Variants in SUZ12 observed in about 807,000 individuals in gnomAD.
SUZ12 encodes the protein polycomb protein SUZ12.
SUZ12 carries 17 observed loss-of-function variants against 87.3 expected under a neutral mutation model. That is an observed-to-expected ratio of 0.19 (90% confidence interval 0.13 to 0.29). The LOEUF (loss-of-function observed/expected upper bound fraction) is 0.29. Ranked by LOEUF, SUZ12 falls within the 10% of genes least tolerant of loss-of-function variation. The pLI, the probability that SUZ12 is intolerant of heterozygous loss-of-function variation, is 1.00. For synonymous variants in SUZ12, 253 were observed against 312.4 expected, an observed-to-expected ratio of 0.81 and a Z score of 2.01; for missense variants, 526 against 912.2, an observed-to-expected ratio of 0.58 and a Z score of 5.45.
chr17:31,964,589 T>C (rs1907975958), intron 4 of SUZ12, among the ~76,000 whole-genome samples: 1 of 151,910 alleles, frequency 6.6e-6, no homozygotes, highest in Admixed American at 6.6e-5. Context: ...GTATTTTTAG[T>C]AGAGACTGGG....
intron 4 of SUZ12, among the ~76,000 whole-genome samples, chr17:31,949,799 T>C (rs1264919933): frequency 6.8e-6 from 1 of 146,148 alleles, no homozygotes; most frequent in East Asian, 2.1e-4. Flanking sequence ...TTCACCTGTC[T>C]CAGCCTCCTG....
At chr17:31,996,528 A>G (rs1360038857) in intron 14 of SUZ12, among the ~76,000 whole-genome samples, 15 of 152,202 alleles carry the variant, frequency 9.9e-5, no homozygotes, top group Admixed American at 8.5e-4. Flanking sequence ...CTGAGACAGG[A>G]GAATTGCTTG....
At chr17:31,950,920 A>G (rs1164217059) in intron 4 of SUZ12, among the ~76,000 whole-genome samples, 2 of 151,936 alleles carry the variant, frequency 1.3e-5, no homozygotes, top group Non-Finnish European at 2.9e-5. Flanking sequence ...AGCTGGGACT[A>G]CAGGCGCCCG....
At chr17:31,985,246 T>C (rs1170397592) in intron 9 of SUZ12, among the ~76,000 whole-genome samples, 1 of 151,646 alleles carries the variant, frequency 6.6e-6, no homozygotes, top group East Asian at 1.9e-4. Context: ...GTATATATAG[T>C]CTTTAACAAT....
In SUZ12 at chr17:31,999,063, C is replaced by T. The variant is rs1333888402; in HGVS notation, c.*60C>T. 6 of 1,367,372 alleles carry T rather than the reference C, an allele frequency of 4.4e-6. No homozygotes were observed. The highest frequency in any genetic ancestry group is 4.9e-6 in the Non-Finnish European group (5 of 1,026,920). 84.7% of individuals were successfully genotyped at this position (1,367,372 alleles called of 1,614,324 possible). On this transcript the variant is annotated 3_prime_UTR_variant, in exon 16 of 16. Coordinates refer to ENST00000322652, the MANE Select transcript of SUZ12 (RefSeq NM_015355.4). ...AATTACATTTTAGGGAATTCATCCTCTAAGAATTATGTTTTTGTTTTTAAT... is the reference window on the plus strand; with the variant it reads ...AATTACATTTTAGGGAATTCATCCTTTAAGAATTATGTTTTTGTTTTTAAT...
chr17:31,985,853 G>A (rs1909380036), intron 9 of SUZ12, among the ~76,000 whole-genome samples: 1 of 152,134 alleles, frequency 6.6e-6, no homozygotes, highest in East Asian at 1.9e-4. Flanking sequence ...AGTAGAGATG[G>A]AGTTTCACCA....
At chr17:31,978,998 C>T (rs535517347) in intron 8 of SUZ12, among the ~76,000 whole-genome samples, 124 of 146,802 alleles carry the variant, frequency 8.4e-4, no homozygotes, top group African/African-American at 2.9e-3. Context: ...CCCAGCTACT[C>T]GGGAGGCTGA....
chr17:32,000,323 T>C lies in SUZ12; in HGVS notation c.*1320T>C, dbSNP rs1360412787. The C allele has an allele frequency of 8.6e-6, 2 of 232,844 alleles. No homozygotes were observed. Among genetic ancestry groups the C allele is most frequent in the Non-Finnish European group, 1.7e-5 (2 of 117,832 alleles). 14.4% of individuals were successfully genotyped at this position (232,844 alleles called of 1,614,324 possible). On this transcript the variant is annotated 3_prime_UTR_variant, in exon 16 of 16. Transcript: ENST00000322652. ...TTGTTTAATGAAGGGATATATAAGC[T>C]TTCTAATGGTGTCTTCAGAAATTTA...
At chr17:31,988,217 A>T in intron 9 of SUZ12, 103 bp from the exon 10 acceptor site, 2 of 1,162,122 alleles carry the variant, frequency 1.7e-6, no homozygotes, top group Non-Finnish European at 2.4e-6. Context: ...CAAATCTATT[A>T]AGGCAAATCC....
At chr17:31,943,265 G>A (rs1906413963) in intron 3 of SUZ12, among the ~76,000 whole-genome samples, 1 of 152,290 alleles carries the variant, frequency 6.6e-6, no homozygotes, top group African/African-American at 2.4e-5. Context: ...TTTCTGTAAA[G>A]GACCAGTAAA....
intron 4 of SUZ12, among the ~76,000 whole-genome samples, chr17:31,956,070 G>A (rs1907314320): frequency 2.6e-5 from 4 of 151,758 alleles, no homozygotes; most frequent in African/African-American, 7.3e-5. Flanking sequence ...CTGCCACCAC[G>A]CCCGGCTAAT....
At chr17:31,981,049 G>C (rs1446470348) in intron 8 of SUZ12, among the ~76,000 whole-genome samples, 2 of 151,142 alleles carry the variant, frequency 1.3e-5, no homozygotes, top group Non-Finnish European at 2.9e-5. Flanking sequence ...AAAAAATCCA[G>C]TTAATTCCTT....
intron 1 of SUZ12, among the ~76,000 whole-genome samples, chr17:31,939,408 A>T (rs1196497134): frequency 6.6e-6 from 1 of 151,274 alleles, no homozygotes; most frequent in Non-Finnish European, 1.5e-5. Flanking sequence ...CAAAAAAAGA[A>T]AAAAAAAATC....
At chr17:31,962,348 T>C (rs1367713619) in intron 4 of SUZ12, among the ~76,000 whole-genome samples, 1 of 152,102 alleles carries the variant, frequency 6.6e-6, no homozygotes, top group Non-Finnish European at 1.5e-5. Flanking sequence ...CCCAGCACTT[T>C]GGGAGGCTGA....
intron 8 of SUZ12, among the ~76,000 whole-genome samples, chr17:31,978,034 A>G (rs1464269194): frequency 2.0e-5 from 3 of 152,166 alleles, no homozygotes; most frequent in African/African-American, 7.2e-5. Flanking sequence ...CACCAGTGAA[A>G]GAATGTCTGG....
chr17:31,962,708 T>C (rs1907809365), intron 4 of SUZ12, among the ~76,000 whole-genome samples: 1 of 152,262 alleles, frequency 6.6e-6, no homozygotes, highest in Admixed American at 6.5e-5. Flanking sequence ...ATTTTCTGAC[T>C]CTATAAATTC....
At chr17:31,989,297 C>T (rs1909578008) in intron 10 of SUZ12, among the ~76,000 whole-genome samples, 1 of 151,770 alleles carries the variant, frequency 6.6e-6, no homozygotes, top group South Asian at 2.1e-4. Context: ...TAAGGTTCTC[C>T]TATATTAAGT....
At position 31,998,989 on chromosome 17, in the gene SUZ12, AAAC is replaced by A. The variant is rs1910124574; in HGVS notation, c.2209_2211del (p.Gln737del). On this transcript the variant is annotated inframe_deletion, in exon 16 of 16. Transcript: ENST00000322652. ...CTCAGGGGTTTCAAAACAGAGCAAA[AAAC>A]AAAAACTCTGAAAAGCTCTAACCCC... The A allele has an allele frequency of 1.2e-5, 18 of 1,549,040 alleles. No individual in the cohort carries two copies. The highest frequency in any genetic ancestry group is 1.6e-5 in the Non-Finnish European group (18 of 1,154,698).
At chr17:31,990,676 G>C (rs986398866) in intron 10 of SUZ12, among the ~76,000 whole-genome samples, 2 of 151,830 alleles carry the variant, frequency 1.3e-5, no homozygotes, top group African/African-American at 4.8e-5. Context: ...GTTTTTAAGA[G>C]GAAAAAACAT....
Sources: gnomAD v4.1 joint callset for allele counts (sites outside exome capture counted in the v4.1 genomes callset) on GRCh38, gnomAD v4.1.1 for gene constraint, MANE v1.5 for transcripts, NCBI Gene and HGNC (gene_info 2026-07-23, HGNC 2026-07-21) for gene names.